The following LINGO1 variants were observed in gnomAD, a reference collection of about 807,000 sequenced individuals.
LINGO1 encodes leucine rich repeat and Ig domain containing 1.
LINGO1 carries 11 observed loss-of-function variants against 37.3 expected under a neutral mutation model. The observed-to-expected ratio is 0.29, with a 90% confidence interval of 0.19 to 0.49. The LOEUF is 0.49. LINGO1 is among the 20% of genes least tolerant of loss of function. LINGO1 has a pLI of 0.99. For missense variants in LINGO1, 585 were observed against 878.2 expected (o/e 0.67, Z 4.22); for synonymous variants, 387 against 403.0 (o/e 0.96, Z 0.48).
At chr15:77,678,393 C>T (rs1037178690) in intron 2 of LINGO1, among the ~76,000 whole-genome samples, 21 of 152,146 alleles carry the variant, frequency 1.4e-4, no homozygotes, top group Non-Finnish European at 2.4e-4. Flanking sequence ...TGTTGTTTTG[C>T]GTTTTCCAGA....
chr15:77,804,488 G>A (rs1179877278), intron 1 of LINGO1, among the ~76,000 whole-genome samples: 2 of 152,224 alleles, frequency 1.3e-5, no homozygotes, highest in African/African-American at 4.8e-5. Context: ...CGGGGAGGGC[G>A]AGAGCACAGG....
chr15:77,701,142 C>A (rs1327262709), upstream of LINGO1, among the ~76,000 whole-genome samples: 2 of 152,190 alleles, frequency 1.3e-5, no homozygotes, highest in Non-Finnish European at 2.9e-5. Flanking sequence ...AGCTGGGATG[C>A]ACACTTAGCA....
At chr15:77,693,926 T>C (rs9920633) in intron 1 of LINGO1, among the ~76,000 whole-genome samples, 65,408 of 151,980 alleles carry the variant, frequency 0.43, 15,410 homozygotes, top group African/African-American at 0.64. Context: ...CGGTCCCTAA[T>C]GAACAGACTT....
intron 1 of LINGO1, among the ~76,000 whole-genome samples, chr15:77,739,494 T>C (rs2076238955): frequency 6.6e-6 from 1 of 152,160 alleles, no homozygotes; most frequent in Admixed American, 6.5e-5. Context: ...CCCCATCTCC[T>C]TCCTTTCCCC....
rs140862000 is a variant in LINGO1 at position 77,688,137 on chromosome 15, C to CA, written c.-99+2582dup. ...ACTTACAAACCTCAGAAACAAGGACCAATTCAGAGACTGGCCTGGATGGAC... is the reference window on the plus strand; with the variant it reads ...ACTTACAAACCTCAGAAACAAGGACCAAATTCAGAGACTGGCCTGGATGGAC... On this transcript the variant is annotated intron_variant, in intron 2 of 3. Coordinates refer to the LINGO1 transcript ENST00000559893. 6.5e-3 allele frequency among the ~76,000 whole-genome samples: 994 copies of CA among 152,278 alleles called. 14 individuals carry two copies. The highest frequency in any genetic ancestry group is 0.023 in the African/African-American group (947 of 41,546).
intron 1 of LINGO1, among the ~76,000 whole-genome samples, chr15:77,781,627 C>T (rs2076717844): frequency 6.6e-6 from 1 of 152,196 alleles, no homozygotes; most frequent in Non-Finnish European, 1.5e-5. Flanking sequence ...CTCACATCTA[C>T]ATCACACTCC....
At chr15:77,710,591 T>C (rs1423913464) in intron 2 of LINGO1, among the ~76,000 whole-genome samples, 1 of 152,242 alleles carries the variant, frequency 6.6e-6, no homozygotes, top group Non-Finnish European at 1.5e-5. Flanking sequence ...CTGACATGCC[T>C]TGGATTTCTG....
intron 2 of LINGO1, among the ~76,000 whole-genome samples, chr15:77,721,886 A>G (rs1189739986): frequency 6.6e-6 from 1 of 150,954 alleles, no homozygotes; most frequent in Non-Finnish European, 1.5e-5. Context: ...TTATGCCCCT[A>G]TCCACCCCAA....
intron 3 of LINGO1, among the ~76,000 whole-genome samples, chr15:77,660,921 A>T (rs1313314305): frequency 6.6e-6 from 1 of 152,196 alleles, no homozygotes; most frequent in Non-Finnish European, 1.5e-5. Context: ...CTGCCTGCTC[A>T]TCACAGTGCT....
At position 77,613,906 on chromosome 15, in the gene LINGO1, G is replaced by A. The variant is rs2073590629; in HGVS notation, c.*138C>T. The A allele has an allele frequency of 5.3e-6, 4 of 752,730 alleles. No homozygotes were observed. In the South Asian group the frequency reaches 7.5e-5, roughly 14 times the overall value. The allele number at this position is 752,730 out of a possible 1,614,324, so 46.6% of individuals were successfully genotyped here. A position where few individuals can be genotyped will look rare whatever the true frequency, so the allele number is the denominator to read the frequency against. On this transcript the variant is annotated 3_prime_UTR_variant, in exon 2 of 2. Transcript: ENST00000355300. Reference sequence around the variant, plus strand: ...GGTGAGGGCTGGCGGGGGGCAGCAGGGGACGGAGGCGGGAGGGAGAAAGAG... The same window carrying A: ...GGTGAGGGCTGGCGGGGGGCAGCAGAGGACGGAGGCGGGAGGGAGAAAGAG...
intron 2 of LINGO1, among the ~76,000 whole-genome samples, chr15:77,717,762 G>A (rs1041786715): frequency 6.6e-6 from 1 of 150,698 alleles, no homozygotes; most frequent in South Asian, 2.1e-4. Flanking sequence ...CAGACAGGGT[G>A]CAGCGGAGGC....
intron 1 of LINGO1, among the ~76,000 whole-genome samples, chr15:77,780,003 C>A (rs1170408882): frequency 6.6e-6 from 1 of 152,196 alleles, no homozygotes; most frequent in Non-Finnish European, 1.5e-5. Context: ...CAGAGTGCCA[C>A]AGAAGCTCAG....
intron 3 of LINGO1, among the ~76,000 whole-genome samples, chr15:77,671,938 G>A (rs974336663): frequency 6.6e-6 from 1 of 152,142 alleles, no homozygotes; most frequent in Non-Finnish European, 1.5e-5. Flanking sequence ...AGCTGGGCCT[G>A]AGGTGGCTCA....
upstream of LINGO1, chr15:77,634,319 C>G (rs1463697151): frequency 6.6e-6 from 3 of 456,018 alleles, no homozygotes; most frequent in African/African-American, 6.0e-5. Context: ...CTCAGTCTCT[C>G]TGGCACACCG....
At chr15:77,631,305 C>T (rs1159288676) in intron 1 of LINGO1, among the ~76,000 whole-genome samples, 1 of 152,234 alleles carries the variant, frequency 6.6e-6, no homozygotes, top group Admixed American at 6.5e-5. Context: ...TACCTCAGGG[C>T]CTCCTGCACT....
chr15:77,658,658 T>A (rs1277609922), intron 3 of LINGO1, among the ~76,000 whole-genome samples: 2 of 152,250 alleles, frequency 1.3e-5, no homozygotes, highest in African/African-American at 4.8e-5. Flanking sequence ...CATCCCCATT[T>A]GTCTGGGAAT....
intron 3 of LINGO1, among the ~76,000 whole-genome samples, chr15:77,665,445 C>T (rs1302937664): frequency 6.6e-6 from 1 of 152,196 alleles, no homozygotes; most frequent in East Asian, 1.9e-4. Flanking sequence ...AGGGTTCTGC[C>T]ACTGCCTGGG....
intron 1 of LINGO1, among the ~76,000 whole-genome samples, chr15:77,800,397 TGAGA>T (rs1270189657): frequency 6.6e-6 from 1 of 152,124 alleles, no homozygotes; most frequent in African/African-American, 2.4e-5. Flanking sequence ...ACAGAGGCTC[TGAGA>T]GAGACAGAGC....
At chr15:77,702,047 A>G (rs2075790650) in intron 2 of LINGO1, among the ~76,000 whole-genome samples, 1 of 152,176 alleles carries the variant, frequency 6.6e-6, no homozygotes. Flanking sequence ...CCAAGAGAAC[A>G]GGTGTCACAG....
Sources: allele counts gnomAD v4.1 joint callset (sites outside exome capture counted in the v4.1 genomes callset), GRCh38; gene constraint gnomAD v4.1.1; transcripts MANE v1.5; gene names NCBI Gene and HGNC (gene_info 2026-07-23, HGNC 2026-07-21).